Variants in SNX9 observed in about 807,000 individuals in gnomAD.
The protein encoded by SNX9 is sorting nexin-9.
Under a neutral mutation model 89.4 loss-of-function variants are expected in SNX9, and 44 were observed. The observed-to-expected ratio is 0.49, with a 90% CI of 0.39 to 0.63. The LOEUF is 0.63. SNX9 is among the 30% of genes least tolerant of loss of function. SNX9 has a pLI of 0.00. For synonymous variants in SNX9, 236 were observed against 247.8 expected, an observed-to-expected ratio of 0.95 and a Z score of 0.45; for missense variants, 578 against 736.1, an observed-to-expected ratio of 0.79 and a Z score of 2.49.
intron 1 of SNX9, among the ~76,000 whole-genome samples, chr6:157,830,913 G>C (rs1257538910): frequency 1.3e-5 from 2 of 152,170 alleles, no homozygotes; most frequent in Non-Finnish European, 2.9e-5. Context: ...CATTCTGGAT[G>C]ATTTCATTTG....
At chr6:157,871,205 C>T (rs2115138418) in intron 2 of SNX9, among the ~76,000 whole-genome samples, 1 of 152,202 alleles carries the variant, frequency 6.6e-6, no homozygotes, top group South Asian at 2.1e-4. Context: ...CATGGCAAAA[C>T]CTCATCTCTA....
intron 1 of SNX9, among the ~76,000 whole-genome samples, chr6:157,834,165 T>TG (rs1781532732): frequency 1.8e-5 from 2 of 113,134 alleles, no homozygotes; most frequent in South Asian, 3.5e-4. Flanking sequence ...TTTTTTTTTT[T>TG]TTTTTTTTTT....
chr6:157,936,176 G>C, intron 14 of SNX9, 136 bp downstream of exon 14: 1 of 632,332 alleles, frequency 1.6e-6, no homozygotes, highest in Non-Finnish European at 2.6e-6. Flanking sequence ...TTTTTTAATT[G>C]TGTTTAATCA....
intron 1 of SNX9, among the ~76,000 whole-genome samples, chr6:157,839,792 C>A (rs1781658781): frequency 6.6e-6 from 1 of 152,178 alleles, no homozygotes; most frequent in South Asian, 2.1e-4. Context: ...GCCTTTCCTC[C>A]TGCCCCTCAG....
In SNX9 at chr6:157,840,381, A is replaced by G. The variant is rs533272232; in HGVS notation, c.12+16935A>G. Reference sequence around the variant, plus strand: ...CCATTGGAGGGTTTTCACCACACCCAAAATGACTGACTTTTACAAAAAATA... The same window carrying G: ...CCATTGGAGGGTTTTCACCACACCCGAAATGACTGACTTTTACAAAAAATA... On this transcript the variant is annotated intron_variant, in intron 1 of 17. Coordinates refer to ENST00000392185, the MANE Select transcript of SNX9 (RefSeq NM_016224.5). 6.9e-4 allele frequency among the ~76,000 whole-genome samples: 102 copies of G among 147,648 alleles called. 1 individual carries two copies. The highest frequency in any genetic ancestry group is 2.1e-3 in the African/African-American group (77 of 37,540).
At chr6:157,914,462 TC>T in intron 9 of SNX9, among the ~76,000 whole-genome samples, 2 of 127,050 alleles carry the variant, frequency 1.6e-5, no homozygotes, top group East Asian at 2.2e-4. Flanking sequence ...CTTGTCATTT[TC>T]TTTTTCTTTT....
intron 4 of SNX9, among the ~76,000 whole-genome samples, chr6:157,891,118 G>A (rs1330952963): frequency 3.0e-5 from 4 of 134,876 alleles, no homozygotes; most frequent in Admixed American, 1.7e-4. Flanking sequence ...TGCAACCTCC[G>A]CCTTCCAGGT....
chr6:157,912,600 A>T (rs1783371512), intron 9 of SNX9, among the ~76,000 whole-genome samples: 1 of 152,318 alleles, frequency 6.6e-6, no homozygotes, highest in African/African-American at 2.4e-5. Flanking sequence ...CCTGCCTGGG[A>T]TGCCCACAGA....
rs1254205044 is a variant in SNX9 at position 157,875,062 on chromosome 6, T to C, written c.186T>C (p.Ser62=). ...VPTDYVEILP[S]DGKDQFSCGN... is the part of the protein sequence containing the mutation. ...TTTCTCCTATTCAGATTTTACCCAG[T>C]GATGGAAAAGATCAATTTTCTTGTG... Residue 62 remains serine (S), a synonymous_variant, in exon 4 of 18, where the codon AGT becomes AGC. Transcript: ENST00000392185. The C allele has an allele frequency of 1.9e-6, 3 of 1,613,904 alleles. No individual in the cohort carries two copies. In the African/African-American group the frequency reaches 4.0e-5, roughly 22 times the overall value.
In SNX9 at chr6:157,836,271, G is replaced by C. The variant is rs150564881; in HGVS notation, c.12+12825G>C. 2.2e-3 allele frequency among the ~76,000 whole-genome samples: 339 copies of C among 152,118 alleles called. 2 individuals are homozygous for C. Among genetic ancestry groups the C allele is most frequent in the African/African-American group, 7.6e-3 (317 of 41,472 alleles). On this transcript the variant is annotated intron_variant, in intron 1 of 17. Transcript: ENST00000392185. Reference sequence around the variant, plus strand: ...AGTGGAAACATCTTGTGCACGTTCTGGAGTTTTCATTATGAAAGTGATAGA... The same window carrying C: ...AGTGGAAACATCTTGTGCACGTTCTCGAGTTTTCATTATGAAAGTGATAGA...
intron 1 of SNX9, among the ~76,000 whole-genome samples, chr6:157,845,933 A>G (rs998355865): frequency 1.3e-5 from 2 of 152,258 alleles, no homozygotes; most frequent in Admixed American, 6.5e-5. Flanking sequence ...GTGCCATATC[A>G]TAATTTACAA....
intron 2 of SNX9, among the ~76,000 whole-genome samples, chr6:157,871,672 TATA>T (rs1191449729): frequency 6.6e-6 from 1 of 151,954 alleles, no homozygotes; most frequent in Non-Finnish European, 1.5e-5. Flanking sequence ...GAACTTAAAG[TATA>T]ATAATAATTT....
chr6:157,940,482 A>T (rs1414328489), intron 16 of SNX9, among the ~76,000 whole-genome samples: 2 of 152,208 alleles, frequency 1.3e-5, no homozygotes, highest in Non-Finnish European at 2.9e-5. Context: ...CAGTGGTGCA[A>T]TCCCGGCTCA....
intron 13 of SNX9, among the ~76,000 whole-genome samples, chr6:157,933,837 C>T (rs942134681): frequency 6.6e-6 from 1 of 152,220 alleles, no homozygotes; most frequent in African/African-American, 2.4e-5. Flanking sequence ...GATTCTTTAA[C>T]ATTTTCTGGA....
intron 1 of SNX9, among the ~76,000 whole-genome samples, chr6:157,863,873 A>G (rs1253545478): frequency 2.0e-5 from 3 of 152,240 alleles, no homozygotes; most frequent in East Asian, 3.8e-4. Context: ...TTTTATTGAC[A>G]TGTTATACTT....
intron 1 of SNX9, among the ~76,000 whole-genome samples, chr6:157,834,149 G>T (rs867528851): frequency 5.0e-5 from 3 of 60,080 alleles, no homozygotes; most frequent in African/African-American, 2.0e-4. Flanking sequence ...TGTCCACTGT[G>T]GTTTTTTTTT....
Position 157,923,973 on chromosome 6 carries a change from G to A in SNX9, c.1080+2312G>A, listed in dbSNP as rs561437266. On this transcript the variant is annotated intron_variant, in intron 10 of 17. Coordinates refer to ENST00000392185, the MANE Select transcript of SNX9 (RefSeq NM_016224.5). ...AAACATGTCCCAGGCTGGGTGTGGC[G>A]GATCACTTGAGGTCAAGAGTTCGAG... Among the ~76,000 whole-genome samples, 50 of 152,226 alleles carry A rather than the reference G, an allele frequency of 3.3e-4. No individual in the cohort carries two copies. In the South Asian group the frequency reaches 3.9e-3, roughly 12 times the overall value.
rs1177648226 is a variant in SNX9 at position 157,844,587 on chromosome 6, G to GTTTTTTTTTTTT, written c.12+21142_12+21153dup. On this transcript the variant is annotated intron_variant, in intron 1 of 17. Transcript: ENST00000392185. ...ATTTTTAATCTTGTGGCTAATCCTT[G>GTTTTTTTTTTTT]TTTTTTTTTTTTGTTTTTTTTTTTG... 2.1e-3 allele frequency among the ~76,000 whole-genome samples: 274 copies of GTTTTTTTTTTTT among 130,234 alleles called. 18 individuals are homozygous for GTTTTTTTTTTTT. Among genetic ancestry groups the GTTTTTTTTTTTT allele is most frequent in the African/African-American group, 5.8e-3 (190 of 32,868 alleles). The allele number at this position is 130,234 out of a possible 152,430, so 85.4% of individuals were successfully genotyped here. A position where few individuals can be genotyped will look rare whatever the true frequency, so the allele number is the denominator to read the frequency against.
In SNX9 at chr6:157,827,539, A is replaced by ATATAT. The variant is rs781347789; in HGVS notation, c.12+4103_12+4107dup. ...CATATAGTTTATATAATATATAAAC[A>ATATAT]TATATTATATTATAGTTTATATAAT... On this transcript the variant is annotated intron_variant, in intron 1 of 17. Coordinates refer to ENST00000392185, the MANE Select transcript of SNX9 (RefSeq NM_016224.5). Among the ~76,000 whole-genome samples, 2 of 21,756 alleles carry ATATAT rather than the reference A, an allele frequency of 9.2e-5. 1 individual carries two copies. Among genetic ancestry groups the ATATAT allele is most frequent in the Non-Finnish European group, 1.4e-4 (2 of 14,592 alleles). 14.3% of individuals were successfully genotyped at this position (21,756 alleles called of 152,430 possible).
Sources: allele counts gnomAD v4.1 joint callset (sites outside exome capture counted in the v4.1 genomes callset), GRCh38; gene constraint gnomAD v4.1.1; transcripts MANE v1.5; gene names NCBI Gene and HGNC (gene_info 2026-07-23, HGNC 2026-07-21).